The following RALA variants were observed in gnomAD, a reference collection of about 807,000 sequenced individuals.
RALA encodes ras-related protein Ral-A.
A neutral mutation model predicts 24.0 loss-of-function variants in RALA; 5 were observed. That is an observed-to-expected ratio of 0.21 (90% CI 0.11 to 0.44). RALA has a LOEUF of 0.44. Among genes scored for constraint, RALA ranks in the 20% least tolerant of loss-of-function variants. The pLI is 0.99. For missense variants in RALA, 95 were observed against 241.2 expected, an observed-to-expected ratio of 0.39 and a Z score of 4.01; for synonymous variants, 77 against 83.8, an observed-to-expected ratio of 0.92 and a Z score of 0.44.
Position 39,699,118 on chromosome 7 carries a change from GTTA to G in RALA, c.498+2262_498+2264del, listed in dbSNP as rs1562626592. On this transcript the variant is annotated intron_variant, in intron 4 of 4. Coordinates refer to ENST00000005257, the MANE Select transcript of RALA (RefSeq NM_005402.4). ...ACCCAGCAATTTAAGTGCTAAAAAT[GTTA>G]TTTTTTTTTTTTTTTTTTTTTTTTT... 4.6e-3 allele frequency among the ~76,000 whole-genome samples: 389 copies of G among 84,052 alleles called. 28 individuals are homozygous for G. The highest frequency in any genetic ancestry group is 0.016 in the African/African-American group (351 of 21,278). The allele number at this position is 84,052 out of a possible 152,430, so 55.1% of individuals were successfully genotyped here.
chr7:39,636,081 G>A (rs1293506177), intron 1 of RALA, among the ~76,000 whole-genome samples: 1 of 152,198 alleles, frequency 6.6e-6, no homozygotes, highest in East Asian at 1.9e-4. Flanking sequence ...CATTGTGTGG[G>A]TATGCCATAA....
intron 1 of RALA, among the ~76,000 whole-genome samples, chr7:39,665,091 C>CTT (rs1243920742): frequency 6.6e-6 from 1 of 152,114 alleles, no homozygotes; most frequent in Non-Finnish European, 1.5e-5. Flanking sequence ...GCAAAAAAGT[C>CTT]TAATTACAAT....
intron 1 of RALA, among the ~76,000 whole-genome samples, chr7:39,685,817 CAGTA>C (rs1792690565): frequency 6.6e-6 from 1 of 152,114 alleles, no homozygotes; most frequent in Non-Finnish European, 1.5e-5. Context: ...TATAAAATAG[CAGTA>C]AGTAAGCATT....
chr7:39,640,225 C>T (rs919021237), intron 1 of RALA, among the ~76,000 whole-genome samples: 3 of 152,066 alleles, frequency 2.0e-5, no homozygotes, highest in Admixed American at 6.6e-5. Context: ...TTTGTAGAAA[C>T]GGGATTTTGC....
At chr7:39,650,861 C>T (rs996987989) in intron 1 of RALA, among the ~76,000 whole-genome samples, 26 of 152,176 alleles carry the variant, frequency 1.7e-4, no homozygotes, top group African/African-American at 5.6e-4. Context: ...TCTAGAGAGT[C>T]GGCTTCGTAT....
At chr7:39,675,411 TTGA>T (rs1389853380) in intron 1 of RALA, among the ~76,000 whole-genome samples, 2 of 152,170 alleles carry the variant, frequency 1.3e-5, no homozygotes, top group Admixed American at 6.5e-5. Flanking sequence ...TCAACCTGTA[TTGA>T]TGATACTTGT....
At chr7:39,628,410 C>T (rs958929442) in intron 1 of RALA, among the ~76,000 whole-genome samples, 1 of 148,444 alleles carries the variant, frequency 6.7e-6, no homozygotes. Flanking sequence ...CACACACACA[C>T]ACATTCTTTC....
chr7:39,660,602 G>A (rs1358227543), intron 1 of RALA, among the ~76,000 whole-genome samples: 1 of 151,572 alleles, frequency 6.6e-6, no homozygotes, highest in East Asian at 1.9e-4. Flanking sequence ...GTATTTTTAT[G>A]CTTACTATTA....
rs529049779 is a variant in RALA at position 39,663,325 on chromosome 7, G to T, written c.-37-23306G>T. Among the ~76,000 whole-genome samples, 22 of 152,252 alleles carry T rather than the reference G, an allele frequency of 1.4e-4. No homozygotes were observed. In the South Asian group the frequency reaches 4.6e-3, roughly 32 times the overall value. On this transcript the variant is annotated intron_variant, in intron 1 of 4. Coordinates refer to ENST00000005257, the MANE Select transcript of RALA (RefSeq NM_005402.4). Reference sequence around the variant, plus strand: ...TGTAATAATTTTATAACTACCTCCTGTTGCTATTGTTGAGCTCAAATGTTG... The same window carrying T: ...TGTAATAATTTTATAACTACCTCCTTTTGCTATTGTTGAGCTCAAATGTTG...
chr7:39,646,261 C>A (rs1391071250), intron 1 of RALA, among the ~76,000 whole-genome samples: 2 of 152,082 alleles, frequency 1.3e-5, no homozygotes, highest in African/African-American at 4.8e-5. Flanking sequence ...CCACTGCACT[C>A]CAGTCTGGAT....
intron 1 of RALA, among the ~76,000 whole-genome samples, chr7:39,667,217 A>G (rs1260043303): frequency 6.6e-6 from 1 of 152,200 alleles, no homozygotes; most frequent in Non-Finnish European, 1.5e-5. Context: ...TTTTTTTTAT[A>G]CTTTCTAAAT....
At chr7:39,702,638 A>T (rs1397267013) in intron 4 of RALA, among the ~76,000 whole-genome samples, 3 of 152,376 alleles carry the variant, frequency 2.0e-5, no homozygotes, top group Non-Finnish European at 4.4e-5. Context: ...TGAATGGATA[A>T]AGAAAATGTG....
rs144498311 is a variant in RALA at position 39,632,911 on chromosome 7, A to G, written c.-38+9086A>G. Among the ~76,000 whole-genome samples the G allele has an allele frequency of 3.3e-5, 5 of 152,330 alleles. No homozygotes were observed. The East Asian group carries it at 9.6e-4, about 29-fold the overall frequency. ...AACTTTCCTAGTGCATGGTAGGAAA[A>G]TACGGTGTTTAGCATGGTAACTGCT... On this transcript the variant is annotated intron_variant, in intron 1 of 4. Coordinates refer to ENST00000005257, the MANE Select transcript of RALA (RefSeq NM_005402.4).
chr7:39,644,717 A>G (rs1355197847), intron 1 of RALA, among the ~76,000 whole-genome samples: 2 of 152,124 alleles, frequency 1.3e-5, no homozygotes, highest in African/African-American at 2.4e-5. Context: ...ATTTCATTAG[A>G]TCTTTAAATC....
At chr7:39,677,459 G>A (rs1046397699) in intron 1 of RALA, among the ~76,000 whole-genome samples, 3 of 118,012 alleles carry the variant, frequency 2.5e-5, no homozygotes, top group African/African-American at 1.0e-4. Flanking sequence ...TATCATTGTT[G>A]GACATTTGGG....
intron 4 of RALA, among the ~76,000 whole-genome samples, chr7:39,698,471 C>T (rs1467360435): frequency 6.6e-6 from 1 of 152,098 alleles, no homozygotes; most frequent in Non-Finnish European, 1.5e-5. Flanking sequence ...CCAGCCTGTG[C>T]CTGCCATTTC....
chr7:39,646,719 T>A (rs1336513098), intron 1 of RALA, among the ~76,000 whole-genome samples: 1 of 152,246 alleles, frequency 6.6e-6, no homozygotes, highest in African/African-American at 2.4e-5. Flanking sequence ...TCTGTTCTAG[T>A]CATTAACTAC....
At position 39,707,405 on chromosome 7, in the gene RALA, T is replaced by G. The variant is rs1283174895; in HGVS notation, c.*1160T>G. 1 of 152,228 alleles carries G rather than the reference T, an allele frequency of 6.6e-6. No individual in the cohort carries two copies. The highest frequency in any genetic ancestry group is 1.5e-5 in the Non-Finnish European group (1 of 68,036). 9.4% of individuals were successfully genotyped at this position (152,228 alleles called of 1,614,324 possible). On this transcript the variant is annotated 3_prime_UTR_variant, in exon 5 of 5. Coordinates refer to ENST00000005257, the MANE Select transcript of RALA (RefSeq NM_005402.4). ...TTATTAGGAGTAATTCTTTTCTGTT[T>G]CTGTTTATAATGAAGAACACTGTAG...
At chr7:39,658,069 T>C (rs1334105510) in intron 1 of RALA, among the ~76,000 whole-genome samples, 1 of 152,208 alleles carries the variant, frequency 6.6e-6, no homozygotes, top group African/African-American at 2.4e-5. Flanking sequence ...TGTTAAGACA[T>C]GTTGGAAATG....
Sources: gnomAD v4.1 joint callset for allele counts (sites outside exome capture counted in the v4.1 genomes callset) on GRCh38, gnomAD v4.1.1 for gene constraint, MANE v1.5 for transcripts, NCBI Gene and HGNC (gene_info 2026-07-23, HGNC 2026-07-21) for gene names.